The following TENT5D variants were observed in gnomAD, a reference collection of about 807,000 sequenced individuals.
TENT5D encodes the protein cancer/testis antigen 112.
For missense variants in TENT5D, 191 were observed against 287.0 expected (o/e 0.67, Z 2.42); for synonymous variants, 103 against 100.6 (o/e 1.02, Z -0.15).
intron 3 of TENT5D, among the ~76,000 whole-genome samples, chrX:80,350,055 T>A (rs1363248711): frequency 4.5e-5 from 5 of 111,551 alleles, no homozygotes; most frequent in African/African-American, 1.6e-4. Context: ...CTGAGGAGTG[T>A]TTTACTTCCA....
chrX:80,389,195 C>T (rs1361869280), intron 3 of TENT5D, among the ~76,000 whole-genome samples: 1 of 111,817 alleles, frequency 8.9e-6, no homozygotes, highest in Non-Finnish European at 1.9e-5. Flanking sequence ...AGACCAGATA[C>T]TGTGATCACT....
In TENT5D at chrX:80,432,070, G is replaced by T. The variant is rs751404678; in HGVS notation, c.-141-6540G>T. Among the ~76,000 whole-genome samples, 8 of 110,615 alleles carry T rather than the reference G, an allele frequency of 7.2e-5. No homozygotes were observed. The South Asian group carries it at 1.2e-3, about 17-fold the overall frequency. On this transcript the variant is annotated intron_variant, in intron 1 of 2. Coordinates refer to ENST00000308293, the Ensembl canonical transcript of TENT5D. ...ATAATTCGTTGAATTACATTCCTAA[G>T]GCTCCAGCTGACTTTGCCCAGTAAG...
chrX:80,358,463 G>T (rs944060876), intron 3 of TENT5D, among the ~76,000 whole-genome samples: 3 of 112,310 alleles, frequency 2.7e-5, no homozygotes, highest in Non-Finnish European at 5.6e-5. Context: ...AGGAACTATA[G>T]TGAAGCTTGT....
chrX:80,343,557 C>A (rs1310236293), intron 3 of TENT5D, among the ~76,000 whole-genome samples: 3 of 109,373 alleles, frequency 2.7e-5, no homozygotes, highest in Non-Finnish European at 1.9e-5. Context: ...ACCACCACAC[C>A]CAGCTGATTT....
rs933411240 is a variant in TENT5D at position 80,362,188 on chromosome X, G to C, written c.-142+19624G>C. Among the ~76,000 whole-genome samples the C allele has an allele frequency of 7.2e-5, 8 of 110,495 alleles. No individual in the cohort carries two copies. In the Admixed American group the frequency reaches 7.7e-4, roughly 11 times the overall value. Reference sequence around the variant, plus strand: ...TATCTTTTTTTTTTTTCTTGAGACGGAGTCTTGCTCTGTTGCCCAGGATGG... The same window carrying C: ...TATCTTTTTTTTTTTTCTTGAGACGCAGTCTTGCTCTGTTGCCCAGGATGG... On this transcript the variant is annotated intron_variant, in intron 3 of 4. Coordinates refer to the TENT5D transcript ENST00000538312.
chrX:80,339,496 C>G (rs1288976194), intron 2 of TENT5D, among the ~76,000 whole-genome samples: 3 of 111,056 alleles, frequency 2.7e-5, no homozygotes, highest in Non-Finnish European at 5.7e-5. Flanking sequence ...TAGCCTAGAA[C>G]TCTTCAAGTG....
intron 3 of TENT5D, among the ~76,000 whole-genome samples, chrX:80,412,289 C>T (rs1180872300): frequency 8.9e-6 from 1 of 112,337 alleles, no homozygotes; most frequent in Non-Finnish European, 1.9e-5. Flanking sequence ...CCACATTTTC[C>T]TCCTGGGCCC....
At chrX:80,344,114 G>A (rs908683515) in intron 3 of TENT5D, among the ~76,000 whole-genome samples, 2 of 110,212 alleles carry the variant, frequency 1.8e-5, no homozygotes, top group African/African-American at 3.3e-5. Flanking sequence ...CTATGTTGCT[G>A]CAAATGACAT....
At chrX:80,356,587 A>G (rs975540281) in intron 3 of TENT5D, among the ~76,000 whole-genome samples, 4 of 111,429 alleles carry the variant, frequency 3.6e-5, no homozygotes, top group African/African-American at 9.8e-5. Flanking sequence ...TTGTTAGATT[A>G]CTTTTTAAGA....
At chrX:80,433,445 C>T (rs1171723119) in intron 1 of TENT5D, among the ~76,000 whole-genome samples, 1 of 112,139 alleles carries the variant, frequency 8.9e-6, no homozygotes, top group Non-Finnish European at 1.9e-5. Context: ...CACTTTTATC[C>T]TTAGAAGCAA....
chrX:80,435,121 A>G (rs187258285), intron 1 of TENT5D, among the ~76,000 whole-genome samples: 14 of 111,470 alleles, frequency 1.3e-4, no homozygotes. Flanking sequence ...TCATAACATC[A>G]ACAGTGTTAA....
At chrX:80,346,284 T>G (rs1427029980) in intron 3 of TENT5D, among the ~76,000 whole-genome samples, 1 of 112,362 alleles carries the variant, frequency 8.9e-6, no homozygotes, top group Non-Finnish European at 1.9e-5. Context: ...CTGAAAGATA[T>G]TTCGGTTATT....
At chrX:80,373,567 A>T (rs1227408419) in intron 3 of TENT5D, among the ~76,000 whole-genome samples, 1 of 111,329 alleles carries the variant, frequency 9.0e-6, no homozygotes, top group East Asian at 2.8e-4. Flanking sequence ...AACTCTGGAG[A>T]ATCTTCTTAT....
intron 1 of TENT5D, among the ~76,000 whole-genome samples, chrX:80,423,798 G>A (rs1245048409): frequency 6.3e-5 from 7 of 111,460 alleles, no homozygotes; most frequent in Non-Finnish European, 1.1e-4. Context: ...AAGCCTGCTG[G>A]TTATACAAAG....
upstream of TENT5D, among the ~76,000 whole-genome samples, chrX:80,415,564 G>C (rs1315709301): frequency 9.0e-6 from 1 of 111,575 alleles, no homozygotes; most frequent in Non-Finnish European, 1.9e-5. Flanking sequence ...TTTTCATGTT[G>C]TTGTTGTTTT....
chrX:80,354,345 G>A (rs772522452), intron 3 of TENT5D, among the ~76,000 whole-genome samples: 1 of 111,279 alleles, frequency 9.0e-6, no homozygotes, highest in East Asian at 2.8e-4. Flanking sequence ...GTGAATCATA[G>A]GTTTGGTCTC....
intron 3 of TENT5D, among the ~76,000 whole-genome samples, chrX:80,373,370 G>A (rs1602507790): frequency 9.0e-6 from 1 of 110,588 alleles, no homozygotes; most frequent in African/African-American, 3.3e-5. Flanking sequence ...TCCAATTTTC[G>A]ACCTGTTGTA....
At chrX:80,372,880 C>T (rs1050951792) in intron 3 of TENT5D, among the ~76,000 whole-genome samples, 5 of 68,652 alleles carry the variant, frequency 7.3e-5, no homozygotes, top group Non-Finnish European at 1.5e-4. Flanking sequence ...GAGCGAGACT[C>T]TATCTCAAAA....
chrX:80,402,635 A>G (rs890775274), intron 3 of TENT5D, among the ~76,000 whole-genome samples: 1 of 111,387 alleles, frequency 9.0e-6, no homozygotes, highest in African/African-American at 3.3e-5. Flanking sequence ...CCTTTTCTTA[A>G]TTGGCCCACT....
Sources: allele counts gnomAD v4.1 joint callset (sites outside exome capture counted in the v4.1 genomes callset), GRCh38; gene constraint gnomAD v4.1.1; transcripts MANE v1.5; gene names NCBI Gene and HGNC (gene_info 2026-07-23, HGNC 2026-07-21).